The following CCT7 variants were observed in gnomAD, a reference collection of about 807,000 sequenced individuals.
CCT7 encodes the protein chaperonin containing TCP1 subunit 7.
Under a neutral mutation model 56.6 loss-of-function variants are expected in CCT7, and 16 were observed. The ratio of observed to expected loss-of-function variants is 0.28; its 90% confidence interval spans 0.19 to 0.43. The LOEUF is 0.43. CCT7 is among the 20% of genes least tolerant of loss of function. The pLI, the probability that CCT7 is intolerant of heterozygous loss-of-function variation, is 1.00. For synonymous variants in CCT7, 262 were observed against 254.8 expected, an observed-to-expected ratio of 1.03 and a Z score of -0.27; for missense variants, 519 against 685.6, an observed-to-expected ratio of 0.76 and a Z score of 2.71.
At chr2:73,242,429 G>A (rs953185218) in intron 3 of CCT7, among the ~76,000 whole-genome samples, 4 of 152,014 alleles carry the variant, frequency 2.6e-5, no homozygotes, top group South Asian at 2.1e-4. Flanking sequence ...ACAGGCGCCC[G>A]CCATCACGCC....
chr2:73,242,818 A>C (rs1389061300), intron 3 of CCT7, among the ~76,000 whole-genome samples, 186 bp from the exon 4 acceptor site: 3 of 152,246 alleles, frequency 2.0e-5, no homozygotes, highest in African/African-American at 7.2e-5. Flanking sequence ...GGACTGTTTG[A>C]CATGATGGAT....
At chr2:73,240,053 G>GT (rs1416432560) in intron 2 of CCT7, 5 of 415,214 alleles carry the variant, frequency 1.2e-5, no homozygotes, top group Non-Finnish European at 1.7e-5. Flanking sequence ...ACCATCTGGA[G>GT]TTTCCTGTGT....
intron 11 of CCT7, 92 bp downstream of exon 11, chr2:73,251,524 G>A: frequency 8.7e-7 from 1 of 1,153,382 alleles, no homozygotes; most frequent in Non-Finnish European, 1.3e-6. Context: ...TGCACGCCTG[G>A]CCCAGGAGAT....
Position 73,252,919 on chromosome 2 carries a change from C to G in CCT7, c.*58C>G. 7.7e-7 allele frequency: 1 copy of G among 1,297,666 alleles called. No individual in the cohort carries two copies. Among genetic ancestry groups the G allele is most frequent in the Non-Finnish European group, 1.1e-6 (1 of 915,668 alleles). 80.4% of individuals were successfully genotyped at this position (1,297,666 alleles called of 1,614,324 possible). ...TGCTGGGTGCACTTACCCTCCTTGG[C>G]TTGGTTACTTCATTTTACAAGGAAG... On this transcript the variant is annotated 3_prime_UTR_variant, in exon 12 of 12. Transcript: ENST00000258091.
chr2:73,249,301 T>TTA, intron 8 of CCT7, 122 bp downstream of exon 8: 1 of 725,208 alleles, frequency 1.4e-6, no homozygotes, highest in Non-Finnish European at 2.2e-6. Context: ...TTTTTTTTTT[T>TTA]AACTCTTTTT....
chr2:73,244,475 C>T (rs1220147904), intron 5 of CCT7, 69 bp from the exon 6 acceptor site: 1 of 1,375,214 alleles, frequency 7.3e-7, no homozygotes, highest in African/African-American at 1.4e-5. Context: ...TACCTCCACA[C>T]TGTAGTAGAA....
At chr2:73,247,618 CAGAA>C (rs1687400135) in intron 6 of CCT7, 140 bp from the exon 7 acceptor site, 2 of 554,504 alleles carry the variant, frequency 3.6e-6, no homozygotes, top group Non-Finnish European at 6.2e-6. Context: ...TTTATGATAA[CAGAA>C]AGGCTGTGTT....
chr2:73,250,154 T>A, intron 9 of CCT7, 152 bp from the exon 10 acceptor site: 1 of 976,532 alleles, frequency 1.0e-6, no homozygotes, highest in Middle Eastern at 2.5e-4. Context: ...TGCAGACCTT[T>A]CCAAGAAAAT....
intron 1 of CCT7, among the ~76,000 whole-genome samples, chr2:73,234,851 A>T (rs544250369): frequency 6.6e-6 from 1 of 152,034 alleles, no homozygotes; most frequent in South Asian, 2.1e-4. Flanking sequence ...CCGCCTAGGG[A>T]CTCACTATGT....
chr2:73,250,022 A>G lies in CCT7; in HGVS notation c.1070+106A>G, dbSNP rs1574364141. 3 of 844,444 alleles carry G rather than the reference A, an allele frequency of 3.6e-6. No individual in the cohort carries two copies. The East Asian group carries it at 7.3e-5, about 20-fold the overall frequency. 52.3% of individuals were successfully genotyped at this position (844,444 alleles called of 1,614,324 possible). ...TTACAAAGTCTCACCTTTGTGTACAAAGTGGTATACAGCTTTTACAGAGTC... is the reference window on the plus strand; with the variant it reads ...TTACAAAGTCTCACCTTTGTGTACAGAGTGGTATACAGCTTTTACAGAGTC... On this transcript the variant is annotated intron_variant, in intron 9 of 11. Transcript: ENST00000258091.
intron 5 of CCT7, 32 bp downstream of exon 5, chr2:73,244,081 TTA>T: frequency 3.2e-6 from 5 of 1,572,234 alleles, no homozygotes; most frequent in African/African-American, 1.4e-5. Context: ...TTTTTTTTTT[TTA>T]AAGAGACGGA....
chr2:73,252,460 G>A (rs571617370), intron 11 of CCT7, among the ~76,000 whole-genome samples, 180 bp from the exon 12 acceptor site: 87 of 151,712 alleles, frequency 5.7e-4, no homozygotes, highest in Non-Finnish European at 7.2e-4. Flanking sequence ...AGGAGTTGGC[G>A]GGAGTAGGGG....
In CCT7 at chr2:73,234,325, G is replaced by T. The variant is rs759416347; in HGVS notation, c.-54G>T. The T allele has an allele frequency of 6.2e-7, 1 of 1,612,140 alleles. No homozygotes were observed. Among genetic ancestry groups the T allele is most frequent in the Non-Finnish European group, 8.5e-7 (1 of 1,178,440 alleles). On this transcript the variant is annotated 5_prime_UTR_variant, in exon 1 of 12. Coordinates refer to ENST00000258091, the MANE Select transcript of CCT7 (RefSeq NM_006429.4). Reference sequence around the variant, plus strand: ...CGCGAGGCATTGTGGGTTGCTGGGCGGCCCGGTCTCGGAGAAGAGGGGAGA... The same window carrying T: ...CGCGAGGCATTGTGGGTTGCTGGGCTGCCCGGTCTCGGAGAAGAGGGGAGA...
chr2:73,239,979 A>C (rs1282815345), intron 2 of CCT7, 183 bp downstream of exon 2: 1 of 568,774 alleles, frequency 1.8e-6, no homozygotes, highest in Non-Finnish European at 3.0e-6. Flanking sequence ...GGACTATATG[A>C]GAGAACCTAG....
In CCT7 at chr2:73,239,694, C is replaced by A; in HGVS notation, c.58C>A (p.Pro20Thr). 3 of 1,613,932 alleles carry A rather than the reference C, an allele frequency of 1.9e-6. No individual in the cohort carries two copies. The highest frequency in any genetic ancestry group is 2.5e-6 in the Non-Finnish European group (3 of 1,179,814). ...KEGTDSSQGI[P>T]QLVSNISACQ... is the part of the protein sequence containing the mutation. ...GGGGACTGATAGCTCCCAAGGCATCCCCCAGCTTGTGAGTAACATCAGTGC... is the reference window on the plus strand; with the variant it reads ...GGGGACTGATAGCTCCCAAGGCATCACCCAGCTTGTGAGTAACATCAGTGC... The change falls in exon 2 of 12, where the codon CCC (proline) becomes ACC (threonine). Residue 20 changes from proline to threonine, a missense_variant. Around this residue, in one of 3 missense-constraint regions of CCT7, gnomAD observed 276 missense variants for 357.3 expected, o/e 0.77. Coordinates refer to ENST00000258091, the MANE Select transcript of CCT7 (RefSeq NM_006429.4).
At position 73,252,672 on chromosome 2, in the gene CCT7, C is replaced by T. The variant is rs376188918; in HGVS notation, c.1443C>T (p.Asn481=). The T allele has an allele frequency of 2.5e-6, 4 of 1,613,864 alleles. No individual in the cohort carries two copies. The highest frequency in any genetic ancestry group is 2.2e-5 in the South Asian group (2 of 91,076). ...CATGGTATGGAGTAGACATCAACAACGAGGACATTGCTGACAACTTTGAAG... is the reference window on the plus strand; with the variant it reads ...CATGGTATGGAGTAGACATCAACAATGAGGACATTGCTGACAACTTTGAAG... ...GGTWYGVDIN[N]EDIADNFEAF... Residue 481 remains asparagine, a synonymous_variant, in exon 12 of 12, where the codon AAC becomes AAT. Coordinates refer to ENST00000258091, the MANE Select transcript of CCT7 (RefSeq NM_006429.4).
intron 6 of CCT7, among the ~76,000 whole-genome samples, chr2:73,245,444 A>C (rs1044765010): frequency 6.6e-6 from 1 of 152,226 alleles, no homozygotes; most frequent in Non-Finnish European, 1.5e-5. Flanking sequence ...CCCCATCCAC[A>C]CTTGGCTACT....
At chr2:73,246,859 A>G (rs1464956941) in intron 6 of CCT7, among the ~76,000 whole-genome samples, 1 of 152,206 alleles carries the variant, frequency 6.6e-6, no homozygotes, top group Non-Finnish European at 1.5e-5. Flanking sequence ...ATGATGCAGG[A>G]ACTGGGGACA....
At chr2:73,252,210 CTT>C (rs879764475) in intron 11 of CCT7, among the ~76,000 whole-genome samples, 6 of 152,016 alleles carry the variant, frequency 3.9e-5, no homozygotes, top group Admixed American at 1.3e-4. Flanking sequence ...CTTAAAGTCA[CTT>C]TACCTCTGTG....
Sources: allele counts gnomAD v4.1 joint callset (sites outside exome capture counted in the v4.1 genomes callset), GRCh38; gene constraint gnomAD v4.1.1; regional missense constraint gnomAD v4.1.1; transcripts MANE v1.5; gene names NCBI Gene and HGNC (gene_info 2026-07-23, HGNC 2026-07-21).